The following HPS5 variants were observed in gnomAD, a reference collection of about 807,000 sequenced individuals.
The protein encoded by HPS5 is BLOC-2 complex member HPS5.
HPS5 carries 83 observed loss-of-function variants against 128.0 expected under a neutral mutation model. The ratio of observed to expected loss-of-function variants is 0.65; its 90% CI spans 0.54 to 0.78. HPS5 has a LOEUF of 0.78. HPS5 is among the 30% of genes least tolerant of loss of function. The pLI is 0.00. For synonymous variants in HPS5, 475 were observed against 470.2 expected (o/e 1.01, Z -0.13); for missense variants, 1,281 against 1,326.2 (o/e 0.97, Z 0.53).
chr11:18,310,703 A>G (rs965494115), intron 5 of HPS5, 38 bp downstream of exon 5: 2 of 1,457,486 alleles, frequency 1.4e-6, no homozygotes, highest in Admixed American at 3.6e-5. Context: ...AACACCTTGT[A>G]TCTCACTACA....
intron 16 of HPS5, among the ~76,000 whole-genome samples, chr11:18,290,866 G>T (rs1427669877): frequency 6.6e-6 from 1 of 152,096 alleles, no homozygotes; most frequent in Non-Finnish European, 1.5e-5. Flanking sequence ...AGGCTACAGT[G>T]AGCCATGATC....
intron 14 of HPS5, 39 bp from the exon 15 acceptor site, chr11:18,293,015 G>T (rs1462021574): frequency 1.3e-6 from 2 of 1,510,422 alleles, no homozygotes; most frequent in Non-Finnish European, 9.1e-7. Flanking sequence ...ATTCACAAGA[G>T]TTAGAGGGGA....
At chr11:18,306,385 C>CA (rs750303551) in intron 6 of HPS5, 38 bp from the exon 7 acceptor site, 87 of 1,497,958 alleles carry the variant, frequency 5.8e-5, no homozygotes, top group East Asian at 1.6e-4. Flanking sequence ...GATTTACTTA[C>CA]AAAAAAAAGT....
rs2134423414 is a variant in HPS5 at position 18,305,454 on chromosome 11, C to T, written c.864G>A (p.Gln288=). 6.2e-7 allele frequency: 1 copy of T among 1,611,112 alleles called. No individual in the cohort carries two copies. Among genetic ancestry groups the T allele is most frequent in the Non-Finnish European group, 8.5e-7 (1 of 1,177,542 alleles). The part of the protein sequence containing the change: ...PQYDHTAGSS[Q]SLSFPKLLHL... ...GTAAGAGTTTGGGGAAAGACAAAGA[C>T]TGGGAGGATCCAGCTGTATGATCAT... Residue 288 remains glutamine, a synonymous_variant, in exon 8 of 23, where the codon CAG becomes CAA. Transcript: ENST00000349215.
chr11:18,284,591 A>G (rs1186449277), intron 20 of HPS5, among the ~76,000 whole-genome samples: 3 of 152,242 alleles, frequency 2.0e-5, no homozygotes, highest in Non-Finnish European at 4.4e-5. Flanking sequence ...ACTGATAACT[A>G]AATTATTCTA....
chr11:18,319,232 T>C (rs1006780816), intron 1 of HPS5, among the ~76,000 whole-genome samples: 3 of 149,674 alleles, frequency 2.0e-5, no homozygotes, highest in African/African-American at 7.5e-5. Context: ...AGTCAGTTTA[T>C]AATACGGAGG....
rs756999050 is a variant in HPS5 at position 18,287,866 on chromosome 11, A to T, written c.2561+27T>A. The T allele has an allele frequency of 8.5e-5, 137 of 1,613,804 alleles. 2 individuals carry two copies. The South Asian group carries it at 1.5e-3, about 17-fold the overall frequency. ...CAAAAAAATGCATGTGCTTTAGCTC[A>T]TATAAACAATATACAGGACAACTTA... On this transcript the variant is annotated intron_variant, in intron 17 of 22. Coordinates refer to ENST00000349215, the MANE Select transcript of HPS5 (RefSeq NM_181507.2).
At chr11:18,308,173 G>C (rs900189687) in intron 6 of HPS5, among the ~76,000 whole-genome samples, 1 of 152,204 alleles carries the variant, frequency 6.6e-6, no homozygotes, top group African/African-American at 2.4e-5. Flanking sequence ...GTATTTCACA[G>C]CTACCTCTAA....
chr11:18,303,032 T>C (rs1316303928), intron 8 of HPS5, among the ~76,000 whole-genome samples: 2 of 152,082 alleles, frequency 1.3e-5, no homozygotes, highest in Admixed American at 1.3e-4. Flanking sequence ...AATGGGGACA[T>C]AAGCCTAACA....
At chr11:18,284,188 C>G (rs199750670) in intron 20 of HPS5, among the ~76,000 whole-genome samples, 2 of 151,952 alleles carry the variant, frequency 1.3e-5, no homozygotes, top group African/African-American at 4.8e-5. Flanking sequence ...AACAAAAAAC[C>G]TAGCAACAAA....
chr11:18,313,831 TTGAA>T (rs1863286874), intron 2 of HPS5, among the ~76,000 whole-genome samples: 2 of 150,594 alleles, frequency 1.3e-5, no homozygotes, highest in African/African-American at 4.9e-5. Flanking sequence ...GTAGAATCAC[TTGAA>T]CCCAGGAAGT....
chr11:18,311,287 A>T lies in HPS5; in HGVS notation c.284+100T>A, dbSNP rs561187631. Reference sequence around the variant, plus strand: ...GGAGTTTCACTGTTAAAACCGGGACAATCCTAGGCAAACCAGGATGGTTGG... The same window carrying T: ...GGAGTTTCACTGTTAAAACCGGGACTATCCTAGGCAAACCAGGATGGTTGG... On this transcript the variant is annotated intron_variant, in intron 4 of 22. Transcript: ENST00000349215. 7.4e-5 allele frequency: 65 copies of T among 874,264 alleles called. No homozygotes were observed. The African/African-American group carries it at 1.0e-3, about 14-fold the overall frequency. The allele number at this position is 874,264 out of a possible 1,614,324, so 54.2% of individuals were successfully genotyped here. A position where few individuals can be genotyped will look rare whatever the true frequency, so the allele number is the denominator to read the frequency against.
In HPS5 at chr11:18,306,158, T is replaced by C; in HGVS notation, c.801A>G (p.Pro267=). 3 of 1,612,918 alleles carry C rather than the reference T, an allele frequency of 1.9e-6. No homozygotes were observed. The highest frequency in any genetic ancestry group is 2.5e-6 in the Non-Finnish European group (3 of 1,178,962). Residue 267 remains proline (P), a synonymous_variant, in exon 7 of 23, where the codon CCA becomes CCG. Coordinates refer to ENST00000349215, the MANE Select transcript of HPS5 (RefSeq NM_181507.2). ...THQFKKLLSL[P]PLPVITLRSE... ...ACCTGAGAGTAATCACAGGGAGAGG[T>C]GGCAACGAGAGGAGTTTCTTGAACT... is the stretch of plus-strand genomic sequence containing the variant.
chr11:18,316,861 G>A (rs116285342), intron 2 of HPS5, among the ~76,000 whole-genome samples: 213 of 152,316 alleles, frequency 1.4e-3, no homozygotes, highest in African/African-American at 4.9e-3. Context: ...ACTACTTGGT[G>A]TCAGTTAGTC....
At position 18,294,368 on chromosome 11, in the gene HPS5, T is replaced by TC. The variant is rs765769139; in HGVS notation, c.1784+651dup. Among the ~76,000 whole-genome samples, 13 of 152,068 alleles carry TC rather than the reference T, an allele frequency of 8.5e-5. 1 individual carries two copies. Among genetic ancestry groups the TC allele is most frequent in the Non-Finnish European group, 1.8e-4 (12 of 68,008 alleles). On this transcript the variant is annotated intron_variant, in intron 14 of 22. Coordinates refer to ENST00000349215, the MANE Select transcript of HPS5 (RefSeq NM_181507.2). Reference sequence around the variant, plus strand: ...GGTCCTTTTGCTATTGCTTGATGAGTCCTTGACTCATCAAATAATAGCACA... The same window carrying TC: ...GGTCCTTTTGCTATTGCTTGATGAGTCCCTTGACTCATCAAATAATAGCACA...
chr11:18,281,843 T>A, intron 22 of HPS5, 107 bp downstream of exon 22: 1 of 1,264,344 alleles, frequency 7.9e-7, no homozygotes, highest in Non-Finnish European at 1.2e-6. Context: ...AGTCTCCTCA[T>A]GTTAGTGATG....
At chr11:18,283,945 AT>A in intron 20 of HPS5, 44 bp from the exon 21 acceptor site, 1 of 1,353,702 alleles carries the variant, frequency 7.4e-7, no homozygotes, top group East Asian at 2.3e-5. Flanking sequence ...AAGGCCATGA[AT>A]TTATCTGGAG....
upstream of HPS5, chr11:18,322,153 T>G (rs1306784949): frequency 6.6e-6 from 1 of 152,336 alleles, no homozygotes; most frequent in Non-Finnish European, 1.5e-5. Flanking sequence ...GAGCGGAACG[T>G]GAACTTCAGT....
At position 18,286,724 on chromosome 11, in the gene HPS5, G is replaced by C; in HGVS notation, c.2718-14C>G. 6.2e-7 allele frequency: 1 copy of C among 1,613,390 alleles called. No individual in the cohort carries two copies. Among genetic ancestry groups the C allele is most frequent in the Non-Finnish European group, 8.5e-7 (1 of 1,179,844 alleles). On this transcript the variant is annotated splice_polypyrimidine_tract_variant and intron_variant, in intron 18 of 22. Coordinates refer to ENST00000349215, the MANE Select transcript of HPS5 (RefSeq NM_181507.2). ...AGAAAAGATGACCTAAGAGAAAGTT[G>C]GGGAAAAAAGTCACCAATCTTCATG...
Sources: gnomAD v4.1 joint callset for allele counts (sites outside exome capture counted in the v4.1 genomes callset) on GRCh38, gnomAD v4.1.1 for gene constraint, MANE v1.5 for transcripts, NCBI Gene and HGNC (gene_info 2026-07-23, HGNC 2026-07-21) for gene names.